The following SEC24D variants were observed in gnomAD, a reference collection of about 807,000 sequenced individuals.
SEC24D encodes the protein SEC24 homolog D, COPII component, also known as protein transport protein Sec24D.
Under a neutral mutation model 116.9 loss-of-function variants are expected in SEC24D, and 69 were observed. The ratio of observed to expected loss-of-function variants is 0.59; its 90% confidence interval spans 0.49 to 0.72. The LOEUF is 0.72. Among genes scored for constraint, SEC24D ranks in the 30% least tolerant of loss-of-function variants. The pLI is 0.00. For synonymous variants in SEC24D, 405 were observed against 442.8 expected (o/e 0.91, Z 1.07); for missense variants, 1,131 against 1,264.1 (o/e 0.89, Z 1.60).
At chr4:118,734,846 C>T (rs1725874139) in intron 19 of SEC24D, among the ~76,000 whole-genome samples, 1 of 152,138 alleles carries the variant, frequency 6.6e-6, no homozygotes, top group East Asian at 1.9e-4. Context: ...CTTCATTTAA[C>T]AACATTTGGT....
At chr4:118,814,537 C>A (rs1315592482) in intron 6 of SEC24D, among the ~76,000 whole-genome samples, 1 of 152,166 alleles carries the variant, frequency 6.6e-6, no homozygotes, top group South Asian at 2.1e-4. Flanking sequence ...TAAAGAGTAA[C>A]CCTCCAAAGA....
chr4:118,725,910 G>T (rs1365132938), intron 22 of SEC24D, among the ~76,000 whole-genome samples: 3 of 152,260 alleles, frequency 2.0e-5, no homozygotes, highest in African/African-American at 7.2e-5. Context: ...CCAATAAAAG[G>T]AAAGCATACT....
At chr4:118,762,779 G>A (rs932126173) in intron 10 of SEC24D, among the ~76,000 whole-genome samples, 2 of 152,132 alleles carry the variant, frequency 1.3e-5, no homozygotes, top group Non-Finnish European at 2.9e-5. Flanking sequence ...TCTTCAAAAT[G>A]TACAATTTTT....
At chr4:118,782,330 C>G (rs1291227655) in intron 8 of SEC24D, among the ~76,000 whole-genome samples, 1 of 152,198 alleles carries the variant, frequency 6.6e-6, no homozygotes, top group African/African-American at 2.4e-5. Context: ...AGTCTTCCTT[C>G]TAACAGGTCC....
intron 22 of SEC24D, among the ~76,000 whole-genome samples, chr4:118,724,497 C>A (rs1430634395): frequency 1.3e-5 from 2 of 151,816 alleles, no homozygotes; most frequent in Non-Finnish European, 2.9e-5. Flanking sequence ...ATAAAAATAT[C>A]TCAATAATTG....
Position 118,731,392 on chromosome 4 carries a change from A to C in SEC24D, c.2792T>G (p.Leu931Trp). ...CAGTTCTGGTGGGCTGCTTACTCCC[A>C]ACCACAGGAACATGTGTAGACCATT... ...LANGLHMFLW[L>W]GVSSPPELIQ... is the part of the protein sequence containing the mutation. The change falls in exon 21 of 23, where the codon TTG (leucine) becomes TGG (tryptophan). Residue 931 changes from leucine (L) to tryptophan (W), a missense_variant. By Grantham distance (61) the Leu-to-Trp change is moderately conservative. Coordinates refer to ENST00000280551, the MANE Select transcript of SEC24D (RefSeq NM_014822.4). 1 of 1,614,156 alleles carries C rather than the reference A, an allele frequency of 6.2e-7. No homozygotes were observed. The highest frequency in any genetic ancestry group is 8.5e-7 in the Non-Finnish European group (1 of 1,179,982).
Position 118,723,329 on chromosome 4 carries a change from C to G in SEC24D, c.*186G>C. ...GAAACAGATTGTTCCCTTTATGGTA[C>G]AATTGTACCTTAATTGGCTTTATAC... On this transcript the variant is annotated 3_prime_UTR_variant, in exon 23 of 23. Transcript: ENST00000280551. 1 of 532,762 alleles carries G rather than the reference C, an allele frequency of 1.9e-6. No homozygotes were observed. Among genetic ancestry groups the G allele is most frequent in the East Asian group, 3.0e-5 (1 of 32,812 alleles). 33.0% of individuals were successfully genotyped at this position (532,762 alleles called of 1,614,324 possible). A position where few individuals can be genotyped will look rare whatever the true frequency, so the allele number is the denominator to read the frequency against.
chr4:118,792,934 T>A (rs1257427425), intron 8 of SEC24D, among the ~76,000 whole-genome samples: 1 of 152,212 alleles, frequency 6.6e-6, no homozygotes, highest in Non-Finnish European at 1.5e-5. Flanking sequence ...TTTTGCTTTT[T>A]ATAAATTTTG....
chr4:118,728,843 A>G, intron 21 of SEC24D, 193 bp from the exon 22 acceptor site: 1 of 502,372 alleles, frequency 2.0e-6, no homozygotes, highest in Non-Finnish European at 3.5e-6. Flanking sequence ...TTGACAGAAG[A>G]CAATTATTTC....
chr4:118,786,354 C>G (rs989924598), intron 8 of SEC24D, among the ~76,000 whole-genome samples: 1 of 151,970 alleles, frequency 6.6e-6, no homozygotes, highest in Non-Finnish European at 1.5e-5. Context: ...TATTTTTTGG[C>G]CTTTTATTCA....
At chr4:118,828,838 A>G (rs934524817) in intron 2 of SEC24D, among the ~76,000 whole-genome samples, 2 of 152,182 alleles carry the variant, frequency 1.3e-5, no homozygotes, top group Non-Finnish European at 2.9e-5. Context: ...AAATTCCTTA[A>G]AATGATCCCA....
At chr4:118,793,552 A>G (rs1729041506) in intron 8 of SEC24D, among the ~76,000 whole-genome samples, 1 of 151,316 alleles carries the variant, frequency 6.6e-6, no homozygotes, top group Admixed American at 6.6e-5. Flanking sequence ...GTAGTAGAGC[A>G]GCAATAATTC....
At chr4:118,769,082 A>G (rs1290225785) in intron 8 of SEC24D, among the ~76,000 whole-genome samples, 3 of 152,210 alleles carry the variant, frequency 2.0e-5, no homozygotes, top group African/African-American at 4.8e-5. Context: ...CAAAGCACAT[A>G]AACTATTTCT....
At position 118,732,843 on chromosome 4, in the gene SEC24D, G is replaced by T. The variant is rs138684864; in HGVS notation, c.2566C>A (p.Leu856Ile). 4.0e-5 allele frequency: 64 copies of T among 1,614,032 alleles called. No individual in the cohort carries two copies. The African/African-American group carries it at 8.1e-4, about 21-fold the overall frequency. ...MNCLLKNCVLLSRPEISTDER... is the reference protein window; with the variant it reads ...MNCLLKNCVLISRPEISTDER... ...TCAGTTGAGATCTCTGGTCTGCTGA[G>T]TAGTACACAGTTTTTCAACAAGCAA... is the stretch of plus-strand genomic sequence containing the variant. Residue 856 changes from leucine to isoleucine, a missense_variant, in exon 20 of 23, where the codon CTC becomes ATC. By Grantham distance (5) the Leu-to-Ile change is conservative. Transcript: ENST00000280551.
intron 22 of SEC24D, among the ~76,000 whole-genome samples, chr4:118,726,868 T>C (rs1725442388): frequency 6.6e-6 from 1 of 152,238 alleles, no homozygotes; most frequent in African/African-American, 2.4e-5. Flanking sequence ...ACCTGGAAGG[T>C]AGCAGTTCCT....
chr4:118,739,237 G>T lies in SEC24D; in HGVS notation c.2289C>A (p.His763Gln). Reference sequence around the variant, plus strand: ...GAGAGCTGCAGTTTAAGCCAAGATTGTGAATCCGAAGTCTTCTTTGACCAC... The same window carrying T: ...GAGAGCTGCAGTTTAAGCCAAGATTTTGAATCCGAAGTCTTCTTTGACCAC... ...TISGQRRLRI[H>Q]NLGLNCSSQL... The change falls in exon 18 of 23, where the codon CAC becomes CAA. Residue 763 changes from histidine (H) to glutamine (Q), a missense_variant. By Grantham distance (24) the His-to-Gln change is conservative. Transcript: ENST00000280551. 6.2e-7 allele frequency: 1 copy of T among 1,613,648 alleles called. No individual in the cohort carries two copies. Among genetic ancestry groups the T allele is most frequent in the Non-Finnish European group, 8.5e-7 (1 of 1,179,606 alleles).
At chr4:118,749,200 A>G (rs1043795878) in intron 13 of SEC24D, among the ~76,000 whole-genome samples, 1 of 152,210 alleles carries the variant, frequency 6.6e-6, no homozygotes, top group Non-Finnish European at 1.5e-5. Flanking sequence ...AAAAAATGCT[A>G]TGAGTACAAG....
intron 6 of SEC24D, among the ~76,000 whole-genome samples, chr4:118,808,592 T>G (rs1339533407): frequency 6.6e-6 from 1 of 152,220 alleles, no homozygotes; most frequent in African/African-American, 2.4e-5. Flanking sequence ...CTTTTTTATT[T>G]ACCTCAAATG....
At chr4:118,817,026 A>C (rs1487952718) in intron 4 of SEC24D, among the ~76,000 whole-genome samples, 1 of 152,180 alleles carries the variant, frequency 6.6e-6, no homozygotes, top group Non-Finnish European at 1.5e-5. Flanking sequence ...TTGTTCAATC[A>C]TTGAATGGAA....
Sources: gnomAD v4.1 joint callset for allele counts (sites outside exome capture counted in the v4.1 genomes callset) on GRCh38, gnomAD v4.1.1 for gene constraint, MANE v1.5 for transcripts, NCBI Gene and HGNC (gene_info 2026-07-23, HGNC 2026-07-21) for gene names.